The following SIK3 variants were observed in gnomAD, a reference collection of about 807,000 sequenced individuals.
The protein encoded by SIK3 is SIK family kinase 3.
In SIK3, 28 loss-of-function variants were observed where a neutral mutation model predicts 144.2. That is an observed-to-expected ratio of 0.19 (90% CI 0.14 to 0.27). SIK3 has a LOEUF of 0.27. Among genes scored for constraint, SIK3 ranks in the 10% least tolerant of loss-of-function variants. SIK3 has a pLI of 1.00. For missense variants in SIK3, 1,319 were observed against 1,776.0 expected, an observed-to-expected ratio of 0.74 and a Z score of 4.62; for synonymous variants, 686 against 676.3, an observed-to-expected ratio of 1.01 and a Z score of -0.22.
intron 1 of SIK3, among the ~76,000 whole-genome samples, chr11:117,082,946 G>A (rs1954852032): frequency 6.6e-6 from 1 of 152,060 alleles, no homozygotes; most frequent in South Asian, 2.1e-4. Flanking sequence ...ACTCTGATGG[G>A]CCAAAAAGGT....
intron 1 of SIK3, among the ~76,000 whole-genome samples, chr11:117,042,741 C>G (rs953274681): frequency 6.6e-6 from 1 of 152,176 alleles, no homozygotes; most frequent in Non-Finnish European, 1.5e-5. Flanking sequence ...AAAATAATAT[C>G]TTTCTCTGTT....
chr11:116,889,187 A>G (rs1944975496), intron 6 of SIK3, among the ~76,000 whole-genome samples: 1 of 152,262 alleles, frequency 6.6e-6, no homozygotes, highest in African/African-American at 2.4e-5. Context: ...TCAGCTTCCA[A>G]AACTTCATCA....
At position 117,013,909 on chromosome 11, in the gene SIK3, G is replaced by GTGTGTGTGTGTGTGTGTGTGTAT. The variant is rs1565556631; in HGVS notation, c.274-56846_274-56845insATACACACACACACACACACACA. 1.1e-4 allele frequency among the ~76,000 whole-genome samples: 4 copies of GTGTGTGTGTGTGTGTGTGTGTAT among 35,624 alleles called. 1 individual carries two copies. Among genetic ancestry groups the GTGTGTGTGTGTGTGTGTGTGTAT allele is most frequent in the Non-Finnish European group, 2.3e-4 (3 of 13,104 alleles). The allele number at this position is 35,624 out of a possible 152,430, so 23.4% of individuals were successfully genotyped here. ...AGTCTCCAGATTCTGAGGGGGGGGG[G>GTGTGTGTGTGTGTGTGTGTGTAT]GGGAGGGTGTGTGTGTGTGTGTGTG... On this transcript the variant is annotated intron_variant, in intron 1 of 24. Transcript: ENST00000445177.
intron 1 of SIK3, among the ~76,000 whole-genome samples, chr11:117,037,611 C>A (rs117740716): frequency 3.3e-5 from 5 of 152,150 alleles, no homozygotes; most frequent in Admixed American, 1.3e-4. Context: ...TGTTTAGACT[C>A]CTGTCTTCAT....
chr11:116,863,834 GAGA>G lies in SIK3; in HGVS notation c.1953-19_1953-17del, dbSNP rs747530993. 1.3e-6 allele frequency: 2 copies of G among 1,584,578 alleles called. No homozygotes were observed. Among genetic ancestry groups the G allele is most frequent in the Non-Finnish European group, 1.7e-6 (2 of 1,163,562 alleles). Reference sequence around the variant, plus strand: ...GTAGGTAGAGCTGAATATATGGGAAGAGAAGGTTAGAGGCTAGGACTCAGGGGC... The same window carrying G: ...GTAGGTAGAGCTGAATATATGGGAAGAGGTTAGAGGCTAGGACTCAGGGGC... On this transcript the variant is annotated splice_polypyrimidine_tract_variant and intron_variant, in intron 15 of 24. Coordinates refer to ENST00000445177, the MANE Select transcript of SIK3 (RefSeq NM_001366686.3).
At chr11:116,907,987 TAA>T (rs34564120) in intron 4 of SIK3, among the ~76,000 whole-genome samples, 252 of 138,516 alleles carry the variant, frequency 1.8e-3, no homozygotes, top group Non-Finnish European at 2.3e-3. Flanking sequence ...CGTTTTTATT[TAA>T]AAAAAAAAAA....
At position 116,962,129 on chromosome 11, in the gene SIK3, G is replaced by T. The variant is rs140382939; in HGVS notation, c.274-5065C>A. On this transcript the variant is annotated intron_variant, in intron 1 of 24. Transcript: ENST00000445177. The stretch of plus-strand genomic sequence containing the variant: ...ATTCTGACACCATATTTGTAAGCAA[G>T]ATACGGCAACAGAGTAAAAGACAAT... 3.3e-4 allele frequency among the ~76,000 whole-genome samples: 51 copies of T among 152,294 alleles called. No homozygotes were observed. In the East Asian group the frequency reaches 8.5e-3, roughly 25 times the overall value.
chr11:117,016,361 G>A (rs1237219605), intron 1 of SIK3, among the ~76,000 whole-genome samples: 2 of 116,984 alleles, frequency 1.7e-5, no homozygotes, highest in Non-Finnish European at 3.5e-5. Context: ...AGGGAGGGAG[G>A]GAGGGAAGGA....
chr11:116,982,859 G>A (rs1950192844), intron 1 of SIK3, among the ~76,000 whole-genome samples: 1 of 143,444 alleles, frequency 7.0e-6, no homozygotes, highest in Non-Finnish European at 1.5e-5. Flanking sequence ...CAGGATAATC[G>A]CTTGAACCCA....
rs1212268982 is a variant in SIK3 at position 116,844,640 on chromosome 11, T to TACA, written c.*1002_*1003insTGT. On this transcript the variant is annotated 3_prime_UTR_variant, in exon 25 of 25. Transcript: ENST00000445177. ...TATAATATATATATAATATATTATATTATATATTATATATATAATATATAT... is the reference window on the plus strand; with the variant it reads ...TATAATATATATATAATATATTATATACATATATATTATATATATAATATATAT... The TACA allele has an allele frequency of 1.2e-5, 1 of 85,952 alleles. No individual in the cohort carries two copies. The highest frequency in any genetic ancestry group is 7.0e-5 in the African/African-American group (1 of 14,232). 5.3% of individuals were successfully genotyped at this position (85,952 alleles called of 1,614,324 possible). A position where few individuals can be genotyped will look rare whatever the true frequency, so the allele number is the denominator to read the frequency against.
chr11:117,006,326 C>T (rs149676571), intron 1 of SIK3, among the ~76,000 whole-genome samples: 33 of 152,314 alleles, frequency 2.2e-4, no homozygotes, highest in African/African-American at 7.5e-4. Flanking sequence ...GATTCCATAT[C>T]TACCCAACAG....
At chr11:116,875,799 G>A in intron 9 of SIK3, 67 bp downstream of exon 9, 1 of 1,508,348 alleles carries the variant, frequency 6.6e-7, no homozygotes, top group Non-Finnish European at 8.8e-7. Context: ...GGGTTAGTGA[G>A]CAACAGCTAA....
chr11:116,981,588 CT>C (rs1372109856), intron 1 of SIK3, among the ~76,000 whole-genome samples: 1 of 152,230 alleles, frequency 6.6e-6, no homozygotes, highest in Non-Finnish European at 1.5e-5. Context: ...TCAGGAAATA[CT>C]GTTTCCATAT....
chr11:116,996,502 G>T (rs990623781), intron 1 of SIK3, among the ~76,000 whole-genome samples: 8 of 152,008 alleles, frequency 5.3e-5, no homozygotes, highest in Admixed American at 1.3e-4. Context: ...AGGAGAAGGG[G>T]GAGACCCAAC....
At chr11:117,041,897 T>C (rs1952757378) in intron 1 of SIK3, among the ~76,000 whole-genome samples, 1 of 133,678 alleles carries the variant, frequency 7.5e-6, no homozygotes, top group African/African-American at 3.5e-5. Flanking sequence ...GTAGAGCCCG[T>C]TTATCCCTAC....
intron 4 of SIK3, among the ~76,000 whole-genome samples, chr11:116,897,720 C>G (rs528940431): frequency 6.6e-5 from 10 of 152,132 alleles, no homozygotes; most frequent in Non-Finnish European, 8.8e-5. Context: ...TCCTCTCCAC[C>G]AACATACAAA....
chr11:116,977,363 G>A (rs1372333634), intron 1 of SIK3, among the ~76,000 whole-genome samples: 1 of 151,878 alleles, frequency 6.6e-6, no homozygotes, highest in Admixed American at 6.6e-5. Context: ...TTACAACCAT[G>A]AGCCATCATG....
At chr11:117,042,840 T>G (rs149965412) in intron 1 of SIK3, among the ~76,000 whole-genome samples, 1 of 152,220 alleles carries the variant, frequency 6.6e-6, no homozygotes, top group African/African-American at 2.4e-5. Flanking sequence ...AAGATAAATT[T>G]TAAAAGTTGT....
At chr11:116,848,648 T>G (rs1027415161) in intron 22 of SIK3, among the ~76,000 whole-genome samples, 6 of 152,214 alleles carry the variant, frequency 3.9e-5, no homozygotes, top group Admixed American at 3.9e-4. Flanking sequence ...CTATTTCTGA[T>G]TCTTTGGTCT....
Sources: gnomAD v4.1 joint callset for allele counts (sites outside exome capture counted in the v4.1 genomes callset) on GRCh38, gnomAD v4.1.1 for gene constraint, MANE v1.5 for transcripts, NCBI Gene and HGNC (gene_info 2026-07-23, HGNC 2026-07-21) for gene names.